PARD3B: variants seen among roughly 807,000 people sequenced by gnomAD.
The protein encoded by PARD3B is par-3 family cell polarity regulator beta.
A neutral mutation model predicts 130.2 loss-of-function variants in PARD3B; 103 were observed. The observed-to-expected ratio is 0.79, with a 90% confidence interval of 0.67 to 0.93. The LOEUF is 0.93. PARD3B is among the 40% of genes least tolerant of loss of function. PARD3B has a pLI of 0.00. For synonymous variants in PARD3B, 583 were observed against 553.2 expected (o/e 1.05, Z -0.76); for missense variants, 1,609 against 1,499.2 (o/e 1.07, Z -1.21).
Position 205,280,660 on chromosome 2 carries a change from A to G in PARD3B, c.2186-19870A>G, listed in dbSNP as rs2041153501. Among the ~76,000 whole-genome samples, 1 of 152,234 alleles carries G rather than the reference A, an allele frequency of 6.6e-6. No individual in the cohort carries two copies. Among genetic ancestry groups the G allele is most frequent in the Non-Finnish European group, 1.5e-5 (1 of 68,030 alleles). On this transcript the variant is annotated intron_variant, in intron 16 of 22. Transcript: ENST00000406610. This position sits in a 1 kb window ranked among gnomAD's most constrained non-coding sequence, Gnocchi z 4.7. ...TTGTACATTTATAGTAAAGTAATCT[A>G]CAAGTGGTTCCTTGATAAAGTTAAC...
chr2:204,607,977 C>T (rs955804991), intron 1 of PARD3B, among the ~76,000 whole-genome samples: 19 of 152,114 alleles, frequency 1.2e-4, no homozygotes, highest in Admixed American at 8.5e-4. Flanking sequence ...TAGAATGATG[C>T]CCATGTGCAC....
Position 204,921,955 on chromosome 2 carries a change from G to T in PARD3B, c.223-43197G>T, listed in dbSNP as rs1462817125. 4.6e-5 allele frequency among the ~76,000 whole-genome samples: 7 copies of T among 152,114 alleles called. No individual in the cohort carries two copies. The South Asian group carries it at 8.3e-4, about 18-fold the overall frequency. ...ACTGTTGGGATGTTGCAGGCTGGGG[G>T]TGTGGCATGGTAAGGAGGGAAGAAA... On this transcript the variant is annotated intron_variant, in intron 2 of 22. Coordinates refer to ENST00000406610, the MANE Select transcript of PARD3B (RefSeq NM_001302769.2).
At chr2:204,778,423 T>G (rs2041718691) in intron 2 of PARD3B, among the ~76,000 whole-genome samples, 1 of 152,098 alleles carries the variant, frequency 6.6e-6, no homozygotes, top group Non-Finnish European at 1.5e-5. Context: ...TTAGGACAAG[T>G]GCAAGTCAAG....
Position 205,288,751 on chromosome 2 carries a change from T to C in PARD3B, c.2186-11779T>C, listed in dbSNP as rs868217900. 1.3e-5 allele frequency among the ~76,000 whole-genome samples: 2 copies of C among 152,212 alleles called. No individual in the cohort carries two copies. Among genetic ancestry groups the C allele is most frequent in the Non-Finnish European group, 2.9e-5 (2 of 68,034 alleles). On this transcript the variant is annotated intron_variant, in intron 16 of 22. Coordinates refer to ENST00000406610, the MANE Select transcript of PARD3B (RefSeq NM_001302769.2). The surrounding 1 kb of genome is among the most constrained non-coding windows in gnomAD (Gnocchi z 4.0). ...CTCATGCCTTTTCCTCTAAGTGGTG[T>C]GCCTGTCCACCTCCTACTTCTCTTA...
intron 22 of PARD3B, among the ~76,000 whole-genome samples, chr2:205,614,243 A>G (rs960068116): frequency 1.3e-5 from 2 of 152,174 alleles, no homozygotes; most frequent in Non-Finnish European, 2.9e-5. Context: ...TTAGTGAGAG[A>G]TCCAGACAGG....
At chr2:204,958,652 G>A (rs1690479647) in intron 2 of PARD3B, among the ~76,000 whole-genome samples, 1 of 152,118 alleles carries the variant, frequency 6.6e-6, no homozygotes, top group Non-Finnish European at 1.5e-5. Flanking sequence ...GGATAGCTAT[G>A]GTAGGAAAAG....
chr2:205,233,291 CA>C (rs1312097044), intron 15 of PARD3B, among the ~76,000 whole-genome samples: 2 of 151,812 alleles, frequency 1.3e-5, no homozygotes, highest in Admixed American at 1.3e-4. Context: ...TTTTCTAAAA[CA>C]AAGAATTTTC....
intron 1 of PARD3B, among the ~76,000 whole-genome samples, chr2:204,648,200 G>A (rs918064046): frequency 6.6e-6 from 1 of 151,340 alleles, no homozygotes; most frequent in African/African-American, 2.4e-5. Context: ...TAATACATTG[G>A]TTTATCATGA....
At chr2:204,816,457 A>G (rs1178396686) in intron 2 of PARD3B, among the ~76,000 whole-genome samples, 1 of 151,804 alleles carries the variant, frequency 6.6e-6, no homozygotes, top group African/African-American at 2.4e-5. Context: ...TGCAGCTTCT[A>G]TATGTTTTGT....
chr2:205,201,091 T>C (rs77229091), intron 15 of PARD3B, among the ~76,000 whole-genome samples: 2,890 of 152,252 alleles, frequency 0.019, 83 homozygotes, highest in African/African-American at 0.065. Context: ...CAGTATAGAA[T>C]GCAATCCAGA....
intron 2 of PARD3B, among the ~76,000 whole-genome samples, chr2:204,736,741 C>A (rs183581846): frequency 6.6e-6 from 1 of 152,140 alleles, no homozygotes; most frequent in Non-Finnish European, 1.5e-5. Flanking sequence ...TGTAAACATA[C>A]GTGTGCAAGT....
chr2:205,037,406 C>T (rs1698060054), intron 3 of PARD3B, among the ~76,000 whole-genome samples: 1 of 144,718 alleles, frequency 6.9e-6, no homozygotes, highest in Non-Finnish European at 1.5e-5. Flanking sequence ...ATATAGTGGA[C>T]TATATGTATA....
In PARD3B at chr2:205,158,712, C is replaced by A. The variant is rs1293990020; in HGVS notation, c.1435-10C>A. On this transcript the variant is annotated splice_polypyrimidine_tract_variant and intron_variant, in intron 10 of 22. Transcript: ENST00000406610. The surrounding 1 kb of genome is among the most constrained non-coding windows in gnomAD (Gnocchi z 5.4). The stretch of plus-strand genomic sequence containing the variant: ...TCTCTTCACTCTTTTCATGTGTATT[C>A]CCCTAACAGAAAGGAGAACCTGACT... 4 of 1,604,874 alleles carry A rather than the reference C, an allele frequency of 2.5e-6. No individual in the cohort carries two copies. The highest frequency in any genetic ancestry group is 1.7e-5 in the Admixed American group (1 of 57,996).
chr2:205,343,400 C>T (rs1434679968), intron 18 of PARD3B, among the ~76,000 whole-genome samples: 1 of 152,202 alleles, frequency 6.6e-6, no homozygotes, highest in African/African-American at 2.4e-5. Flanking sequence ...AGATTCTTGA[C>T]TTCATGGTCC....
intron 3 of PARD3B, among the ~76,000 whole-genome samples, chr2:205,027,365 A>G (rs921797974): frequency 4.6e-5 from 7 of 152,028 alleles, no homozygotes; most frequent in Non-Finnish European, 1.0e-4. Flanking sequence ...GTATTCTTTG[A>G]AAAAAATGTC....
At chr2:204,836,954 C>G (rs1006491026) in intron 2 of PARD3B, among the ~76,000 whole-genome samples, 5 of 152,062 alleles carry the variant, frequency 3.3e-5, no homozygotes, top group African/African-American at 1.2e-4. Context: ...AAAACACTTA[C>G]AAATGCAAAA....
intron 4 of PARD3B, among the ~76,000 whole-genome samples, chr2:205,064,790 G>A (rs1700260857): frequency 6.6e-6 from 1 of 152,148 alleles, no homozygotes; most frequent in South Asian, 2.1e-4. Flanking sequence ...CATTTGATAA[G>A]CATAAAAAAG....
intron 22 of PARD3B, among the ~76,000 whole-genome samples, chr2:205,608,754 G>C (rs777931362): frequency 6.6e-6 from 1 of 152,142 alleles, no homozygotes; most frequent in Non-Finnish European, 1.5e-5. Context: ...TGCACACGCA[G>C]TTTGTTAATA....
intron 1 of PARD3B, among the ~76,000 whole-genome samples, chr2:204,553,683 TATATATATATATACAC>T (rs1190063971): frequency 1.1e-3 from 62 of 58,442 alleles, no homozygotes; most frequent in African/African-American, 3.0e-3. Context: ...TATATATATA[TATATATATATATACAC>T]ACATATATAT....
Sources: gnomAD v4.1 joint callset for allele counts (sites outside exome capture counted in the v4.1 genomes callset) on GRCh38, gnomAD v4.1.1 for gene constraint, Gnocchi (gnomAD v3.1) non-coding constraint, MANE v1.5 for transcripts, NCBI Gene and HGNC (gene_info 2026-07-23, HGNC 2026-07-21) for gene names.